The following TSHZ2 variants were observed in gnomAD, a reference collection of about 807,000 sequenced individuals.
TSHZ2 encodes teashirt homolog 2.
A neutral mutation model predicts 74.4 loss-of-function variants in TSHZ2; 21 were observed. The observed-to-expected ratio is 0.28, with a 90% CI of 0.20 to 0.41. The LOEUF is 0.41. Ranked by LOEUF, TSHZ2 falls within the 10% of genes least tolerant of loss-of-function variation. TSHZ2 has a pLI of 1.00. For missense variants in TSHZ2, 1,244 were observed against 1,293.5 expected (o/e 0.96, Z 0.59); for synonymous variants, 540 against 515.3 (o/e 1.05, Z -0.65).
chr20:53,042,701 G>GAAAAAAAA (rs5841925), intron 1 of TSHZ2, among the ~76,000 whole-genome samples: 1 of 128,518 alleles, frequency 7.8e-6, no homozygotes, highest in Non-Finnish European at 1.7e-5. Flanking sequence ...AAGTAGAGAA[G>GAAAAAAAA]AAAAAAAAAA....
chr20:53,147,409 A>G (rs1446530306), intron 1 of TSHZ2, among the ~76,000 whole-genome samples: 2 of 152,240 alleles, frequency 1.3e-5, no homozygotes, highest in Non-Finnish European at 2.9e-5. Context: ...ATCATCTACA[A>G]AAAAGGCATA....
chr20:53,412,160 A>G (rs1480649519), intron 2 of TSHZ2, among the ~76,000 whole-genome samples: 1 of 152,218 alleles, frequency 6.6e-6, no homozygotes, highest in African/African-American at 2.4e-5. Flanking sequence ...TCAGAGTCAG[A>G]AAAGTCAGGT....
At chr20:53,302,967 C>G (rs566403709) in intron 2 of TSHZ2, among the ~76,000 whole-genome samples, 1 of 152,308 alleles carries the variant, frequency 6.6e-6, no homozygotes, top group South Asian at 2.1e-4. Context: ...CGCTTGCCCA[C>G]AAAGGTGGTG....
At chr20:53,162,962 A>G (rs1313901313) in intron 1 of TSHZ2, among the ~76,000 whole-genome samples, 1 of 152,172 alleles carries the variant, frequency 6.6e-6, no homozygotes, top group Non-Finnish European at 1.5e-5. Flanking sequence ...TTTCCATCAT[A>G]ATAATTGTTT....
intron 1 of TSHZ2, among the ~76,000 whole-genome samples, chr20:53,137,303 T>C (rs1987270459): frequency 6.6e-6 from 1 of 151,330 alleles, no homozygotes; most frequent in South Asian, 2.1e-4. Flanking sequence ...TTTCTTTTTT[T>C]TTTTTTTTTC....
chr20:53,324,259 A>C (rs1040019822), intron 2 of TSHZ2, among the ~76,000 whole-genome samples: 2 of 152,206 alleles, frequency 1.3e-5, no homozygotes, highest in African/African-American at 4.8e-5. Flanking sequence ...GCAGGCAGCC[A>C]TCTCCACTGG....
chr20:53,195,398 A>G (rs1988838800), intron 1 of TSHZ2, among the ~76,000 whole-genome samples: 1 of 152,172 alleles, frequency 6.6e-6, no homozygotes, highest in South Asian at 2.1e-4. Flanking sequence ...AGCTGATGAA[A>G]ACAACTATAT....
chr20:53,014,488 C>A (rs1272547871), intron 1 of TSHZ2, among the ~76,000 whole-genome samples: 1 of 152,108 alleles, frequency 6.6e-6, no homozygotes, highest in East Asian at 1.9e-4. Context: ...GAACCAGGAG[C>A]TGTGCTGGAA....
intron 2 of TSHZ2, among the ~76,000 whole-genome samples, chr20:53,305,868 C>T (rs916551832): frequency 6.6e-6 from 1 of 151,990 alleles, no homozygotes; most frequent in Non-Finnish European, 1.5e-5. Flanking sequence ...GTCCCAGCTA[C>T]CTGGGAGGCT....
At chr20:53,323,522 T>C (rs1007067386) in intron 2 of TSHZ2, among the ~76,000 whole-genome samples, 1 of 150,760 alleles carries the variant, frequency 6.6e-6, no homozygotes, top group Non-Finnish European at 1.5e-5. Context: ...TAAGGATTCT[T>C]TCTTCCCATC....
At chr20:53,099,580 T>A (rs1168134262) in intron 1 of TSHZ2, among the ~76,000 whole-genome samples, 1 of 152,172 alleles carries the variant, frequency 6.6e-6, no homozygotes, top group Non-Finnish European at 1.5e-5. Context: ...ACTGGGTAAT[T>A]TATAAAGAAA....
intron 1 of TSHZ2, among the ~76,000 whole-genome samples, chr20:53,033,480 C>T (rs957512339): frequency 6.6e-6 from 1 of 152,050 alleles, no homozygotes; most frequent in Non-Finnish European, 1.5e-5. Flanking sequence ...GTATCTTCAT[C>T]ATTAAATTGA....
At chr20:53,182,099 C>T (rs1344765564) in intron 1 of TSHZ2, among the ~76,000 whole-genome samples, 1 of 150,926 alleles carries the variant, frequency 6.6e-6, no homozygotes, top group Non-Finnish European at 1.5e-5. Flanking sequence ...CCTTCCTTTC[C>T]TTCCTTCCTT....
intron 2 of TSHZ2, among the ~76,000 whole-genome samples, chr20:53,357,705 G>A (rs112043345): frequency 0.011 from 1,695 of 152,136 alleles, 35 homozygotes; most frequent in African/African-American, 0.034. Flanking sequence ...ATTTGATATC[G>A]TGAAATGATT....
At chr20:53,180,120 C>A (rs550152644) in intron 1 of TSHZ2, among the ~76,000 whole-genome samples, 11 of 152,286 alleles carry the variant, frequency 7.2e-5, no homozygotes, top group African/African-American at 2.6e-4. Flanking sequence ...TTAATTACTT[C>A]AGTAGCTTCA....
intron 1 of TSHZ2, among the ~76,000 whole-genome samples, chr20:53,136,191 T>A (rs1344691107): frequency 1.3e-5 from 2 of 152,170 alleles, no homozygotes; most frequent in African/African-American, 2.4e-5. Context: ...ATAAAGCCAC[T>A]AGTTGCACTC....
intron 1 of TSHZ2, among the ~76,000 whole-genome samples, chr20:53,001,230 G>GTGTGTGTGTGTGTGTGTGTGTGTGTA (rs1982421558): frequency 7.9e-5 from 10 of 126,112 alleles, no homozygotes; most frequent in Admixed American, 1.6e-4. Flanking sequence ...GTGTGTGTGT[G>GTGTGTGTGTGTGTGTGTGTGTGTGTA]TGTGTGTGTG....
intron 2 of TSHZ2, among the ~76,000 whole-genome samples, chr20:53,338,328 C>T (rs1980040156): frequency 6.6e-6 from 1 of 152,192 alleles, no homozygotes; most frequent in Admixed American, 6.5e-5. Flanking sequence ...ATGGTGAGAA[C>T]AATGGAAACA....
intron 1 of TSHZ2, among the ~76,000 whole-genome samples, chr20:53,115,249 G>A (rs1290261780): frequency 6.6e-6 from 1 of 152,176 alleles, no homozygotes; most frequent in Non-Finnish European, 1.5e-5. Context: ...AATATGGTTT[G>A]GCTGTGTCCC....
Sources: gnomAD v4.1 joint callset for allele counts (sites outside exome capture counted in the v4.1 genomes callset) on GRCh38, gnomAD v4.1.1 for gene constraint, MANE v1.5 for transcripts, NCBI Gene and HGNC (gene_info 2026-07-23, HGNC 2026-07-21) for gene names.